CDCA5: variants seen among roughly 807,000 people sequenced by gnomAD.
CDCA5 encodes the protein cell division cycle associated 5.
A neutral mutation model predicts 25.7 loss-of-function variants in CDCA5; 14 were observed. The observed-to-expected ratio is 0.54, with a 90% CI of 0.36 to 0.85. The LOEUF (loss-of-function observed/expected upper bound fraction) is 0.85, where lower values mean the gene tolerates loss of function less well. Among genes scored for constraint, CDCA5 ranks in the 40% least tolerant of loss-of-function variants. The pLI, the probability that CDCA5 is intolerant of heterozygous loss-of-function variation, is 0.01. For synonymous variants in CDCA5, 127 were observed against 128.7 expected (o/e 0.99, Z 0.09); for missense variants, 307 against 324.5 (o/e 0.95, Z 0.41).
At chr11:65,076,143 C>A (rs115374011), downstream of CDCA5, among the ~76,000 whole-genome samples, 1,083 of 152,268 alleles carry the variant, frequency 7.1e-3, 17 homozygotes, top group African/African-American at 0.025. Context: ...GAAACAGGGT[C>A]TTTACTCTGT....
downstream of CDCA5, among the ~76,000 whole-genome samples, chr11:65,076,141 G>A (rs1947440457): frequency 1.3e-5 from 2 of 152,138 alleles, no homozygotes; most frequent in Non-Finnish European, 2.9e-5. Flanking sequence ...TTGAAACAGG[G>A]TCTTTACTCT....
downstream of CDCA5, among the ~76,000 whole-genome samples, chr11:65,063,045 C>A (rs187512974): frequency 4.6e-5 from 7 of 152,344 alleles, no homozygotes; most frequent in African/African-American, 1.7e-4. Flanking sequence ...CAACTCAACA[C>A]TCCTGCTCCA....
At chr11:65,067,880 C>G (rs750767978) in intron 3 of CDCA5, 30 of 826,470 alleles carry the variant, frequency 3.6e-5, no homozygotes, top group Non-Finnish European at 5.0e-5. Context: ...CCTCTCTGCA[C>G]GGGCCAGGAC....
intron 5 of CDCA5, 69 bp from the exon 6 acceptor site, chr11:65,079,256 C>A: frequency 1.2e-6 from 2 of 1,600,664 alleles, no homozygotes; most frequent in Non-Finnish European, 1.7e-6. Flanking sequence ...CTCACCCACA[C>A]CCTGCAGGTG....
chr11:65,079,630 C>T lies in CDCA5; in HGVS notation c.401G>A (p.Arg134Lys). The T allele has an allele frequency of 6.2e-7, 1 of 1,609,386 alleles. No homozygotes were observed. Among genetic ancestry groups the T allele is most frequent in the Non-Finnish European group, 8.5e-7 (1 of 1,176,872 alleles). Residue 134 changes from arginine to lysine, a missense_variant, in exon 5 of 6, where the codon AGA becomes AAA. By Grantham distance (26) the Arg-to-Lys change is conservative. Transcript: ENST00000275517. ...GACTTTCTTAGACATTTCCAAGTCTCTGGCGTCCAGCTCTCCTTCCTTGGA... is the reference window on the plus strand; with the variant it reads ...GACTTTCTTAGACATTTCCAAGTCTTTGGCGTCCAGCTCTCCTTCCTTGGA... ...SSSKEGELDA[R>K]DLEMSKKVRR...
chr11:65,080,823 G>C (rs1947549407), intron 4 of CDCA5, among the ~76,000 whole-genome samples: 1 of 152,216 alleles, frequency 6.6e-6, no homozygotes, highest in African/African-American at 2.4e-5. Context: ...CCCATTCTAA[G>C]AGAAAAACAG....
chr11:65,062,077 T>C (rs1810549821), downstream of CDCA5, among the ~76,000 whole-genome samples: 2 of 151,950 alleles, frequency 1.3e-5, no homozygotes, highest in South Asian at 4.2e-4. Flanking sequence ...TGCGCCACCA[T>C]GCCCAGCTAA....
chr11:65,080,527 C>T (rs1410919346), intron 4 of CDCA5, among the ~76,000 whole-genome samples: 1 of 152,208 alleles, frequency 6.6e-6, no homozygotes, highest in African/African-American at 2.4e-5. Flanking sequence ...AATCCTCCTA[C>T]CTCAGCCTCT....
At chr11:65,066,781 C>G (rs1487889338) in intron 5 of CDCA5, 1 of 1,289,288 alleles carries the variant, frequency 7.8e-7, no homozygotes, top group Admixed American at 2.3e-5. Context: ...GGAGGCAAGA[C>G]AAAGAAATGG....
Position 65,078,814 on chromosome 11 carries a change from CCA to C in CDCA5, c.*291_*292del. Reference sequence around the variant, plus strand: ...CTGGCTGGGCCACTGATTCTCCTCCCCAGTCTGTGGCCCATCTGGAAACTGGC... The same window carrying C: ...CTGGCTGGGCCACTGATTCTCCTCCCGTCTGTGGCCCATCTGGAAACTGGC... On this transcript the variant is annotated 3_prime_UTR_variant, in exon 6 of 6. Coordinates refer to ENST00000275517, the MANE Select transcript of CDCA5 (RefSeq NM_080668.4). 3.5e-6 allele frequency: 4 copies of C among 1,147,230 alleles called. No homozygotes were observed. The highest frequency in any genetic ancestry group is 4.3e-6 in the Non-Finnish European group (4 of 933,954). The allele number at this position is 1,147,230 out of a possible 1,614,324, so 71.1% of individuals were successfully genotyped here.
chr11:65,072,788 C>T (rs1947364696), downstream of CDCA5, among the ~76,000 whole-genome samples: 1 of 152,030 alleles, frequency 6.6e-6, no homozygotes, highest in Non-Finnish European at 1.5e-5. Flanking sequence ...AACGTGTGTG[C>T]AGAGCAGACA....
chr11:65,064,160 T>C (rs1302158302), downstream of CDCA5, among the ~76,000 whole-genome samples: 3 of 152,154 alleles, frequency 2.0e-5, no homozygotes, highest in African/African-American at 7.2e-5. Flanking sequence ...GGCTCACACC[T>C]GTAATCCCAG....
downstream of CDCA5, among the ~76,000 whole-genome samples, chr11:65,064,325 G>A (rs1335606219): frequency 6.6e-6 from 1 of 151,140 alleles, no homozygotes; most frequent in Non-Finnish European, 1.5e-5. Context: ...GGCTGAGGCA[G>A]GAGAATGGCA....
chr11:65,073,545 G>A (rs1204483764), downstream of CDCA5, among the ~76,000 whole-genome samples: 3 of 152,178 alleles, frequency 2.0e-5, no homozygotes, highest in African/African-American at 7.2e-5. Context: ...AGAGAGCAAA[G>A]GTTCAGAGGC....
chr11:65,080,908 G>C (rs1024098283), intron 4 of CDCA5, among the ~76,000 whole-genome samples: 1 of 152,206 alleles, frequency 6.6e-6, no homozygotes, highest in Admixed American at 6.5e-5. Flanking sequence ...GCTTGGGGCA[G>C]GTTAGAATTG....
chr11:65,062,504 T>C (rs1275895375), downstream of CDCA5, among the ~76,000 whole-genome samples: 1 of 152,170 alleles, frequency 6.6e-6, no homozygotes, highest in Admixed American at 6.5e-5. Context: ...CCTGACTCAG[T>C]GCCTTTGTGT....
chr11:65,080,643 G>A (rs746838745), intron 4 of CDCA5, among the ~76,000 whole-genome samples: 26 of 152,090 alleles, frequency 1.7e-4, no homozygotes, highest in African/African-American at 4.6e-4. Context: ...TGGTCCCAGC[G>A]ACCTTCTGAT....
rs765642943 is a variant in CDCA5, at chr11:65,083,989, C to A, written c.-11G>T. 1.2e-6 allele frequency: 2 copies of A among 1,608,248 alleles called. No homozygotes were observed. Among genetic ancestry groups the A allele is most frequent in the Non-Finnish European group, 1.7e-6 (2 of 1,177,834 alleles). ...TCGCCTCCCAGACATAACTTAGGCTCCGTCTCGAGCTCCTCCAGCGCCGCC... is the reference window on the plus strand; with the variant it reads ...TCGCCTCCCAGACATAACTTAGGCTACGTCTCGAGCTCCTCCAGCGCCGCC... On this transcript the variant is annotated 5_prime_UTR_variant, in exon 1 of 6. Transcript: ENST00000275517.
chr11:65,076,092 G>A (rs566538336), downstream of CDCA5, among the ~76,000 whole-genome samples: 26 of 152,270 alleles, frequency 1.7e-4, no homozygotes, highest in African/African-American at 5.1e-4. Flanking sequence ...GGTAGCTAAC[G>A]ACAGATGCTG....
Sources: allele counts gnomAD v4.1 joint callset (sites outside exome capture counted in the v4.1 genomes callset), GRCh38; gene constraint gnomAD v4.1.1; transcripts MANE v1.5; gene names NCBI Gene and HGNC (gene_info 2026-07-23, HGNC 2026-07-21).